The following CYP4Z1 variants were observed in gnomAD, a reference collection of about 807,000 sequenced individuals.
CYP4Z1 encodes cytochrome P450 family 4 subfamily Z member 1.
CYP4Z1 carries 41 observed loss-of-function variants against 54.2 expected under a neutral mutation model. That is an observed-to-expected ratio of 0.76 (90% CI 0.59 to 0.98). The LOEUF is 0.98. Among genes scored for constraint, CYP4Z1 ranks in the 50% least tolerant of loss-of-function variants. The pLI is 0.00. For missense variants in CYP4Z1, 513 were observed against 599.0 expected (o/e 0.86, Z 1.50); for synonymous variants, 163 against 206.2 (o/e 0.79, Z 1.79).
At chr1:47,110,279 A>G (rs2252182) in intron 9 of CYP4Z1, among the ~76,000 whole-genome samples, 8 of 151,048 alleles carry the variant, frequency 5.3e-5, no homozygotes, top group South Asian at 2.2e-4. Flanking sequence ...ACTAAATAGA[A>G]CAAAACACAA....
chr1:47,067,898 C>T (rs1271678919), intron 1 of CYP4Z1, among the ~76,000 whole-genome samples: 3 of 152,174 alleles, frequency 2.0e-5, no homozygotes, highest in Non-Finnish European at 2.9e-5. Context: ...GTGCTACCCA[C>T]CTCATAAATG....
At chr1:47,069,116 CAGTGCTGCACAG>C (rs1463132464) in intron 2 of CYP4Z1, among the ~76,000 whole-genome samples, 2 of 152,236 alleles carry the variant, frequency 1.3e-5, no homozygotes, top group Non-Finnish European at 2.9e-5. Context: ...GGCTTAACGC[CAGTGCTGCACAG>C]AGATGAGTGT....
At chr1:47,056,294 A>G in the CYP4Z1 span, among the ~76,000 whole-genome samples, 10 of 152,240 alleles carry the variant, frequency 6.6e-5, no homozygotes, top group East Asian at 1.9e-3. Context: ...ACAGTTTGTT[A>G]TAATTTCTGT....
At chr1:47,073,878 T>A (rs1433707793) in intron 2 of CYP4Z1, among the ~76,000 whole-genome samples, 1 of 152,246 alleles carries the variant, frequency 6.6e-6, no homozygotes, top group African/African-American at 2.4e-5. Context: ...TTGCAAACAT[T>A]TTCTATTATT....
chr1:47,069,384 C>T lies in CYP4Z1; in HGVS notation c.319+621C>T, dbSNP rs1296380280. Reference sequence around the variant, plus strand: ...CACTCTCCCAGCTACCTACATGAGTCATTCAGTTATAAAATGCCTCCATAC... The same window carrying T: ...CACTCTCCCAGCTACCTACATGAGTTATTCAGTTATAAAATGCCTCCATAC... On this transcript the variant is annotated intron_variant, in intron 2 of 11. Coordinates refer to ENST00000334194, the MANE Select transcript of CYP4Z1 (RefSeq NM_178134.3). 3.6e-3 allele frequency among the ~76,000 whole-genome samples: 544 copies of T among 150,616 alleles called. 5 individuals carry two copies. The highest frequency in any genetic ancestry group is 0.011 in the African/African-American group (459 of 40,942).
At chr1:47,103,964 A>T (rs976359981) in intron 8 of CYP4Z1, among the ~76,000 whole-genome samples, 1 of 151,948 alleles carries the variant, frequency 6.6e-6, no homozygotes, top group Non-Finnish European at 1.5e-5. Flanking sequence ...TTTCTTTTTG[A>T]TTGGGATATG....
chr1:47,097,720 A>G (rs1009801301), intron 7 of CYP4Z1, among the ~76,000 whole-genome samples: 18 of 151,628 alleles, frequency 1.2e-4, no homozygotes, highest in African/African-American at 4.4e-4. Flanking sequence ...GTCTTGTGGT[A>G]TAATTTGGAG....
intron 6 of CYP4Z1, among the ~76,000 whole-genome samples, chr1:47,087,094 T>C (rs1267265005): frequency 2.0e-5 from 3 of 152,212 alleles, no homozygotes; most frequent in Non-Finnish European, 1.5e-5. Context: ...TTGGTTACTG[T>C]AGCCTTGTAG....
At chr1:47,101,743 G>A (rs1644723118) in intron 8 of CYP4Z1, among the ~76,000 whole-genome samples, 1 of 152,014 alleles carries the variant, frequency 6.6e-6, no homozygotes, top group African/African-American at 2.4e-5. Context: ...AAAATATTCT[G>A]TAAATGTCTG....
At chr1:47,082,077 C>A (rs1644558777) in intron 3 of CYP4Z1, among the ~76,000 whole-genome samples, 1 of 151,232 alleles carries the variant, frequency 6.6e-6, no homozygotes, top group Non-Finnish European at 1.5e-5. Context: ...AATTTGAACT[C>A]TTATCAAGAG....
chr1:47,068,809 G>T (rs1466406170), intron 2 of CYP4Z1, 46 bp downstream of exon 2: 1 of 1,588,836 alleles, frequency 6.3e-7, no homozygotes. Flanking sequence ...AACAAAGAGG[G>T]TCTCAGGGTG....
At chr1:47,090,208 T>C (rs1403114939) in intron 6 of CYP4Z1, among the ~76,000 whole-genome samples, 3 of 152,258 alleles carry the variant, frequency 2.0e-5, no homozygotes, top group African/African-American at 7.2e-5. Flanking sequence ...TTAAACTTAA[T>C]GATAGTAAAA....
At position 47,084,879 on chromosome 1, in the gene CYP4Z1, C is replaced by A. The variant is rs147199588; in HGVS notation, c.673C>A (p.Arg225Ser). The A allele has an allele frequency of 1.0e-4, 160 of 1,534,904 alleles. No individual in the cohort carries two copies. The highest frequency in any genetic ancestry group is 1.4e-4 in the Non-Finnish European group (158 of 1,142,828). ...VFNLSKISNQRMNNFLHHNDL... is the reference protein window; with the variant it reads ...VFNLSKISNQSMNNFLHHNDL... ...CAACCTTAGCAAAATCTCCAACCAG[C>A]GCATGAACAATTTTCTACATCACAA... The change falls in exon 6 of 12, where the codon CGC (arginine) becomes AGC (serine). Residue 225 changes from arginine to serine, a missense_variant. Transcript: ENST00000334194.
chr1:47,113,460 C>T (rs1644807601), intron 9 of CYP4Z1, among the ~76,000 whole-genome samples: 1 of 152,188 alleles, frequency 6.6e-6, no homozygotes. Flanking sequence ...CTGTGAGCTC[C>T]TTGAAGGCTA....
intron 7 of CYP4Z1, 144 bp from the exon 8 acceptor site, chr1:47,098,950 A>G (rs1241341060): frequency 3.1e-6 from 3 of 972,106 alleles, no homozygotes; most frequent in Non-Finnish European, 4.5e-6. Context: ...GTTTGAAAAA[A>G]GTAAAATAGA....
chr1:47,056,022 T>C, the CYP4Z1 span, among the ~76,000 whole-genome samples: 1 of 152,226 alleles, frequency 6.6e-6, no homozygotes, highest in Admixed American at 6.5e-5. Context: ...AGGGTGTCAA[T>C]TTTATATCTT....
chr1:47,113,678 G>A (rs1274291020), intron 9 of CYP4Z1, among the ~76,000 whole-genome samples: 1 of 152,178 alleles, frequency 6.6e-6, no homozygotes, highest in Non-Finnish European at 1.5e-5. Context: ...CAAATCATGA[G>A]CGAACTCCCA....
intron 2 of CYP4Z1, among the ~76,000 whole-genome samples, chr1:47,074,607 C>A: frequency 6.6e-6 from 1 of 152,088 alleles, no homozygotes; most frequent in South Asian, 2.1e-4. Context: ...CTTGAAGAGA[C>A]CATTCTCCCC....
In CYP4Z1 at chr1:47,075,319, G is replaced by A; in HGVS notation, c.320-5304G>A. On this transcript the variant is annotated intron_variant, in intron 2 of 11. Transcript: ENST00000334194. ...AATAAGGCAGTTAAGGCTAGTATAG[G>A]TTGGGCATTCAATATTGAGGTTTCT... 1.6e-5 allele frequency: 3 copies of A among 187,894 alleles called. 1 individual carries two copies. Among genetic ancestry groups the A allele is most frequent in the South Asian group, 4.3e-5 (1 of 23,472 alleles). 11.6% of individuals were successfully genotyped at this position (187,894 alleles called of 1,614,324 possible). A position where few individuals can be genotyped will look rare whatever the true frequency, so the allele number is the denominator to read the frequency against.
Sources: gnomAD v4.1 joint callset for allele counts (sites outside exome capture counted in the v4.1 genomes callset) on GRCh38, gnomAD v4.1.1 for gene constraint, MANE v1.5 for transcripts, NCBI Gene and HGNC (gene_info 2026-07-23, HGNC 2026-07-21) for gene names.